The following CNNM1 variants were observed in gnomAD, a reference collection of about 807,000 sequenced individuals.
The protein encoded by CNNM1 is metal transporter CNNM1.
CNNM1 carries 44 observed loss-of-function variants against 78.8 expected under a neutral mutation model. The ratio of observed to expected loss-of-function variants is 0.56; its 90% CI spans 0.44 to 0.72. The LOEUF (loss-of-function observed/expected upper bound fraction) is 0.72, where lower values mean the gene tolerates loss of function less well. Ranked by LOEUF, CNNM1 falls within the 30% of genes least tolerant of loss-of-function variation. The pLI, the probability that CNNM1 is intolerant of heterozygous loss-of-function variation, is 0.00. For synonymous variants in CNNM1, 584 were observed against 581.5 expected (o/e 1.00, Z -0.06); for missense variants, 1,101 against 1,292.2 (o/e 0.85, Z 2.27).
At chr10:99,348,019 G>T (rs11599441) in intron 1 of CNNM1, among the ~76,000 whole-genome samples, 1 of 120,144 alleles carries the variant, frequency 8.3e-6, no homozygotes, top group Non-Finnish European at 1.8e-5. Flanking sequence ...TTATATATAT[G>T]ATGTGTGTGT....
At chr10:99,361,722 C>G (rs973978910) in intron 3 of CNNM1, among the ~76,000 whole-genome samples, 4 of 152,104 alleles carry the variant, frequency 2.6e-5, no homozygotes, top group Admixed American at 1.3e-4. Flanking sequence ...TAAGCAATAG[C>G]TGTAATATAT....
chr10:99,364,934 A>G, intron 5 of CNNM1, 21 bp from the exon 6 acceptor site: 2 of 1,610,914 alleles, frequency 1.2e-6, no homozygotes, highest in Non-Finnish European at 1.7e-6. Flanking sequence ...TCTGAAACCC[A>G]CTGCATGCTT....
chr10:99,333,415 G>C (rs2030020316), intron 1 of CNNM1, among the ~76,000 whole-genome samples: 1 of 152,108 alleles, frequency 6.6e-6, no homozygotes, highest in South Asian at 2.1e-4. Flanking sequence ...CGCCATCTTG[G>C]CTCACTACAA....
Position 99,329,367 on chromosome 10 carries a change from TGCA to T in CNNM1, c.-18_-16del. On this transcript the variant is annotated 5_prime_UTR_variant, in exon 1 of 11. Transcript: ENST00000356713. ...TCGCTCGGCTTCCTGCAGTATCACGTGCAGCTGCGCTGGGTGCAGGATGGCGGC... is the reference window on the plus strand; with the variant it reads ...TCGCTCGGCTTCCTGCAGTATCACGTGCTGCGCTGGGTGCAGGATGGCGGC... The T allele has an allele frequency of 1.7e-6, 1 of 595,340 alleles. No homozygotes were observed. The highest frequency in any genetic ancestry group is 2.8e-6 in the Non-Finnish European group (1 of 362,764). The allele number at this position is 595,340 out of a possible 1,614,324, so 36.9% of individuals were successfully genotyped here. A position where few individuals can be genotyped will look rare whatever the true frequency, so the allele number is the denominator to read the frequency against.
chr10:99,345,588 A>C (rs1275666461), intron 1 of CNNM1, among the ~76,000 whole-genome samples: 1 of 152,162 alleles, frequency 6.6e-6, no homozygotes, highest in African/African-American at 2.4e-5. Context: ...GCATAGCCAA[A>C]TCACTCTGGG....
At chr10:99,363,381 A>C (rs531771974) in intron 4 of CNNM1, among the ~76,000 whole-genome samples, 4 of 152,366 alleles carry the variant, frequency 2.6e-5, no homozygotes, top group Admixed American at 6.5e-5. Flanking sequence ...TGTAATGATC[A>C]CATAGTTTCA....
At chr10:99,343,940 C>T (rs550981026) in intron 1 of CNNM1, among the ~76,000 whole-genome samples, 4 of 150,154 alleles carry the variant, frequency 2.7e-5, no homozygotes, top group African/African-American at 9.8e-5. Context: ...CCAGGCTGGT[C>T]TCGAACTCCT....
Position 99,391,567 on chromosome 10 carries a change from G to T in CNNM1, c.*51G>T, listed in dbSNP as rs374865560. 1.3e-6 allele frequency: 2 copies of T among 1,504,486 alleles called. No individual in the cohort carries two copies. The highest frequency in any genetic ancestry group is 2.3e-5 in the South Asian group (2 of 86,854). The allele number at this position is 1,504,486 out of a possible 1,614,324, so 93.2% of individuals were successfully genotyped here. A position where few individuals can be genotyped will look rare whatever the true frequency, so the allele number is the denominator to read the frequency against. ...TGTGTGAAATTCCAGAGCTTTGGGG[G>T]AGAATCCACCCTCCCATCATCTGCT... is the stretch of plus-strand genomic sequence containing the variant. On this transcript the variant is annotated 3_prime_UTR_variant, in exon 11 of 11. Coordinates refer to ENST00000356713, the MANE Select transcript of CNNM1 (RefSeq NM_020348.3).
rs2032491550 is a variant in CNNM1 at position 99,392,148 on chromosome 10, C to G, written c.*632C>G. 6.6e-6 allele frequency: 1 copy of G among 152,436 alleles called. No homozygotes were observed. The highest frequency in any genetic ancestry group is 6.5e-5 in the Admixed American group (1 of 15,320). The allele number at this position is 152,436 out of a possible 1,614,324, so 9.4% of individuals were successfully genotyped here. A position where few individuals can be genotyped will look rare whatever the true frequency, so the allele number is the denominator to read the frequency against. ...CCTGTTAGATAAGGGTTCCAGCAGC[C>G]TGGGGCAGTATGTCTCAGCTGGAAT... On this transcript the variant is annotated 3_prime_UTR_variant, in exon 11 of 11. Transcript: ENST00000356713.
At chr10:99,347,000 A>G (rs1412779962) in intron 1 of CNNM1, among the ~76,000 whole-genome samples, 1 of 152,148 alleles carries the variant, frequency 6.6e-6, no homozygotes, top group Non-Finnish European at 1.5e-5. Context: ...TGGGAGCTAA[A>G]TAATGAGAAC....
chr10:99,381,990 C>T (rs2032177587), intron 7 of CNNM1, among the ~76,000 whole-genome samples: 1 of 152,088 alleles, frequency 6.6e-6, no homozygotes, highest in South Asian at 2.1e-4. Flanking sequence ...CCTCACCTGT[C>T]TCTCCCCATC....
chr10:99,357,450 T>C, intron 1 of CNNM1, 62 bp from the exon 2 acceptor site: 1 of 1,530,176 alleles, frequency 6.5e-7, no homozygotes, highest in Non-Finnish European at 8.9e-7. Context: ...ATCATTTTTC[T>C]CACAAAAAAA....
At chr10:99,336,228 C>T (rs1279662741) in intron 1 of CNNM1, among the ~76,000 whole-genome samples, 4 of 152,190 alleles carry the variant, frequency 2.6e-5, no homozygotes, top group African/African-American at 9.7e-5. Flanking sequence ...CACCTAACAT[C>T]GTCCTAAGGC....
intron 1 of CNNM1, among the ~76,000 whole-genome samples, chr10:99,338,641 T>A (rs1050100130): frequency 1.3e-5 from 2 of 152,062 alleles, no homozygotes; most frequent in South Asian, 2.1e-4. Flanking sequence ...CAGAAAAAAA[T>A]TTAAATATAG....
intron 6 of CNNM1, among the ~76,000 whole-genome samples, chr10:99,372,727 C>T (rs2031842334): frequency 6.6e-6 from 1 of 152,024 alleles, no homozygotes; most frequent in Non-Finnish European, 1.5e-5. Flanking sequence ...GCATAATTAC[C>T]AAAATGCCAA....
chr10:99,361,285 C>T (rs1387265071), intron 3 of CNNM1, among the ~76,000 whole-genome samples: 1 of 152,218 alleles, frequency 6.6e-6, no homozygotes, highest in Non-Finnish European at 1.5e-5. Flanking sequence ...GAGGCCATCT[C>T]CCTGTCTGTT....
chr10:99,351,696 T>G (rs1210412859), intron 1 of CNNM1, among the ~76,000 whole-genome samples: 1 of 152,134 alleles, frequency 6.6e-6, no homozygotes. Context: ...ATACGGTGCC[T>G]TCTCCCCTAT....
Position 99,330,565 on chromosome 10 carries a change from C to CGCGGGAGAAGTT in CNNM1, c.1181_1192dup (p.Arg394_Leu397dup). Reference sequence around the variant, plus strand: ...CGCCAGGAGATAAGCACCTTCTACACGCGGGAGAAGTTGCTGGAGACGTTG... The same window carrying CGCGGGAGAAGTT: ...CGCCAGGAGATAAGCACCTTCTACACGCGGGAGAAGTTGCGGGAGAAGTTGCTGGAGACGTTG... On this transcript the variant is annotated inframe_insertion, in exon 1 of 11. Coordinates refer to ENST00000356713, the MANE Select transcript of CNNM1 (RefSeq NM_020348.3). The CGCGGGAGAAGTT allele has an allele frequency of 1.2e-6, 2 of 1,607,224 alleles. No individual in the cohort carries two copies. The highest frequency in any genetic ancestry group is 1.7e-6 in the Non-Finnish European group (2 of 1,176,932).
intron 1 of CNNM1, among the ~76,000 whole-genome samples, chr10:99,344,068 C>T (rs1330467866): frequency 4.0e-5 from 6 of 150,524 alleles, no homozygotes; most frequent in African/African-American, 1.5e-4. Context: ...TGTGCTGGCT[C>T]ACCCTTGTAA....
Sources: allele counts gnomAD v4.1 joint callset (sites outside exome capture counted in the v4.1 genomes callset), GRCh38; gene constraint gnomAD v4.1.1; transcripts MANE v1.5; gene names NCBI Gene and HGNC (gene_info 2026-07-23, HGNC 2026-07-21).